Variants in CENPK observed in about 807,000 individuals in gnomAD.
CENPK encodes SoxLZ/Sox6-binding protein Solt.
Under a neutral mutation model 40.9 loss-of-function variants are expected in CENPK, and 46 were observed. That is an observed-to-expected ratio of 1.13 (90% CI 0.89 to 1.44). The LOEUF is 1.44. Among genes scored for constraint, CENPK ranks in the 40% most tolerant of loss-of-function variants. The probability of loss-of-function intolerance (pLI) is 0.00; values close to 1 mark genes in which losing one functional copy is unlikely to be tolerated. For missense variants in CENPK, 288 were observed against 303.5 expected (o/e 0.95, Z 0.38); for synonymous variants, 107 against 104.4 (o/e 1.02, Z -0.15).
In CENPK at chr5:65,519,106, C is replaced by CT. The variant is rs145131558; in HGVS notation, c.652-474dup. 7.0e-3 allele frequency among the ~76,000 whole-genome samples: 1,068 copies of CT among 152,260 alleles called. 10 individuals carry two copies. The highest frequency in any genetic ancestry group is 0.024 in the African/African-American group (997 of 41,560). On this transcript the variant is annotated intron_variant, in intron 10 of 10. Transcript: ENST00000396679. ...CATCATCACTTCCTTCAGCTTCATC[C>CT]TGAGTATCCCTGATCTTCGTTAAGG...
intron 9 of CENPK, among the ~76,000 whole-genome samples, chr5:65,526,406 C>G (rs1050878317): frequency 6.6e-6 from 1 of 151,912 alleles, no homozygotes; most frequent in Non-Finnish European, 1.5e-5. Context: ...AAATGTAAAG[C>G]CTATAGACAA....
intron 6 of CENPK, among the ~76,000 whole-genome samples, chr5:65,530,190 T>C (rs547778426): frequency 4.2e-4 from 64 of 152,308 alleles, no homozygotes; most frequent in Admixed American, 7.8e-4. Flanking sequence ...TCAATCAAAT[T>C]TGTTGATCAA....
intron 5 of CENPK, among the ~76,000 whole-genome samples, chr5:65,543,486 T>G (rs1284543074): frequency 6.6e-6 from 1 of 152,206 alleles, no homozygotes; most frequent in Non-Finnish European, 1.5e-5. Flanking sequence ...AGGGTTATTT[T>G]TATCATCATT....
chr5:65,500,494 T>C, the CENPK span, among the ~76,000 whole-genome samples: 2 of 150,938 alleles, frequency 1.3e-5, no homozygotes, highest in African/African-American at 4.9e-5. Flanking sequence ...TTCATGTCCT[T>C]CGCCCACTTT....
intron 6 of CENPK, among the ~76,000 whole-genome samples, chr5:65,540,889 C>T (rs576369795): frequency 2.0e-5 from 3 of 151,618 alleles, no homozygotes; most frequent in Non-Finnish European, 4.4e-5. Flanking sequence ...CTCACTGCAG[C>T]CTCAACCTCC....
chr5:65,556,815 T>C (rs930512818), intron 2 of CENPK, among the ~76,000 whole-genome samples: 4 of 152,214 alleles, frequency 2.6e-5, no homozygotes, highest in African/African-American at 7.2e-5. Context: ...TTGTCTTTCA[T>C]ACCATTTTTT....
At chr5:65,499,667 ATT>A in the CENPK span, among the ~76,000 whole-genome samples, 22 of 109,668 alleles carry the variant, frequency 2.0e-4, no homozygotes, top group African/African-American at 6.1e-4. Flanking sequence ...TTTTTTTTTA[ATT>A]TTTTTTTTTT....
At position 65,554,947 on chromosome 5, in the gene CENPK, C is replaced by A. The variant is rs1345308141; in HGVS notation, c.-39-1G>T. On this transcript the variant is annotated splice_acceptor_variant, in intron 2 of 10. Coordinates refer to ENST00000396679, the MANE Select transcript of CENPK (RefSeq NM_022145.5). LOFTEE classifies it low-confidence loss of function (5UTR_SPLICE). ...TGAATTTTTAGCCTTATAAGAAAAA[C>A]TAAAGCAAAAAATATTTATTCATTC... The A allele has an allele frequency of 4.2e-6, 5 of 1,179,656 alleles. No individual in the cohort carries two copies. The highest frequency in any genetic ancestry group is 1.8e-5 in the Admixed American group (1 of 54,562). The allele number at this position is 1,179,656 out of a possible 1,614,324, so 73.1% of individuals were successfully genotyped here.
At chr5:65,496,722 GTTTTTTT>G in the CENPK span, among the ~76,000 whole-genome samples, 1 of 151,494 alleles carries the variant, frequency 6.6e-6, no homozygotes, top group Admixed American at 6.6e-5. Context: ...TTTGCTGTTT[GTTTTTTT>G]TCCAAAGTAT....
At chr5:65,542,360 C>T (rs1427338054) in intron 6 of CENPK, among the ~76,000 whole-genome samples, 1 of 152,160 alleles carries the variant, frequency 6.6e-6, no homozygotes, top group Non-Finnish European at 1.5e-5. Context: ...ATCTTTAGGC[C>T]AGGTGTGGTG....
At chr5:65,545,141 G>T (rs1003182024) in intron 5 of CENPK, among the ~76,000 whole-genome samples, 1 of 151,932 alleles carries the variant, frequency 6.6e-6, no homozygotes, top group Non-Finnish European at 1.5e-5. Context: ...AAGGTGGGGG[G>T]AGTTGCTGAA....
At chr5:65,552,390 CA>C in intron 4 of CENPK, 102 bp downstream of exon 4, 1 of 660,076 alleles carries the variant, frequency 1.5e-6, no homozygotes, top group Non-Finnish European at 2.6e-6. Context: ...CAGGTATTAA[CA>C]AAGGTATTAA....
chr5:65,524,099 G>A (rs566178082), intron 9 of CENPK, among the ~76,000 whole-genome samples: 1 of 152,230 alleles, frequency 6.6e-6, no homozygotes, highest in East Asian at 1.9e-4. Context: ...GCTTGGCCCG[G>A]GCACGGTGGC....
chr5:65,554,341 G>C (rs1750628222), intron 3 of CENPK, among the ~76,000 whole-genome samples: 2 of 151,930 alleles, frequency 1.3e-5, no homozygotes, highest in Non-Finnish European at 2.9e-5. Context: ...TAGTAGAGAT[G>C]GGGTTTCACC....
intron 3 of CENPK, among the ~76,000 whole-genome samples, chr5:65,553,219 A>C (rs1034362750): frequency 2.0e-5 from 3 of 152,170 alleles, no homozygotes; most frequent in African/African-American, 7.2e-5. Flanking sequence ...CACTAATTTG[A>C]CCAGTTCTGA....
chr5:65,525,566 G>T (rs1167580181), intron 9 of CENPK, among the ~76,000 whole-genome samples: 1 of 152,050 alleles, frequency 6.6e-6, no homozygotes, highest in African/African-American at 2.4e-5. Flanking sequence ...GTTGTTTTTA[G>T]CTTTCTTCTT....
chr5:65,557,582 A>G (rs1751204514), intron 2 of CENPK, among the ~76,000 whole-genome samples: 2 of 152,236 alleles, frequency 1.3e-5, no homozygotes, highest in South Asian at 4.1e-4. Flanking sequence ...GTTCCCAGAC[A>G]AACGCTGGTA....
intron 3 of CENPK, among the ~76,000 whole-genome samples, chr5:65,554,516 CTACAA>C (rs1052798576): frequency 1.3e-5 from 2 of 152,116 alleles, no homozygotes; most frequent in Non-Finnish European, 2.9e-5. Context: ...CTTTGTACTT[CTACAA>C]TACATCTAAT....
chr5:65,560,109 T>C (rs955103392), intron 2 of CENPK, among the ~76,000 whole-genome samples: 4 of 152,040 alleles, frequency 2.6e-5, no homozygotes. Flanking sequence ...AGGAAACACC[T>C]TTCTAAGCAA....
Sources: allele counts gnomAD v4.1 joint callset (sites outside exome capture counted in the v4.1 genomes callset), GRCh38; gene constraint gnomAD v4.1.1; transcripts MANE v1.5; gene names NCBI Gene and HGNC (gene_info 2026-07-23, HGNC 2026-07-21).